FBXL18: variants seen among roughly 807,000 people sequenced by gnomAD.
FBXL18 encodes F-box and leucine rich repeat protein 18.
Under a neutral mutation model 46.0 loss-of-function variants are expected in FBXL18, and 36 were observed. That is an observed-to-expected ratio of 0.78 (90% confidence interval 0.60 to 1.03). The LOEUF (loss-of-function observed/expected upper bound fraction) is 1.03. Among genes scored for constraint, FBXL18 ranks in the 50% least tolerant of loss-of-function variants. The pLI is 0.00. For missense variants in FBXL18, 977 were observed against 1,004.1 expected (o/e 0.97, Z 0.36); for synonymous variants, 557 against 465.3 (o/e 1.20, Z -2.54).
chr7:5,494,545 T>C (rs557630694), intron 3 of FBXL18, among the ~76,000 whole-genome samples: 5 of 152,308 alleles, frequency 3.3e-5, no homozygotes, highest in Admixed American at 6.5e-5. Context: ...TATTTAAAGA[T>C]AGTAATAAAA....
At chr7:5,503,224 G>C (rs1784312618) in intron 2 of FBXL18, among the ~76,000 whole-genome samples, 2 of 152,188 alleles carry the variant, frequency 1.3e-5, no homozygotes, top group African/African-American at 4.8e-5. Flanking sequence ...CTACCAAAAA[G>C]AAAAAATATA....
intron 4 of FBXL18, among the ~76,000 whole-genome samples, chr7:5,482,686 G>A (rs1783680174): frequency 6.6e-6 from 1 of 152,054 alleles, no homozygotes; most frequent in South Asian, 2.1e-4. Context: ...AAGCAGAACA[G>A]GGACCCCTCC....
intron 1 of FBXL18, among the ~76,000 whole-genome samples, chr7:5,508,069 T>C (rs922566484): frequency 4.0e-5 from 6 of 150,650 alleles, no homozygotes; most frequent in South Asian, 4.2e-4. Context: ...TTCTCGAGAC[T>C]AGCCTGGCCA....
chr7:5,506,443 C>T (rs1168116742), intron 1 of FBXL18, among the ~76,000 whole-genome samples: 3 of 150,962 alleles, frequency 2.0e-5, no homozygotes, highest in Admixed American at 6.6e-5. Flanking sequence ...TTAGTAGAGA[C>T]GGGGTTTCAC....
At chr7:5,510,302 C>CAAAAAAAAAA (rs757878539) in intron 1 of FBXL18, among the ~76,000 whole-genome samples, 1 of 77,606 alleles carries the variant, frequency 1.3e-5, no homozygotes, top group African/African-American at 5.5e-5. Context: ...GACTCTGTCT[C>CAAAAAAAAAA]AAAAAAAAAA....
intron 4 of FBXL18, among the ~76,000 whole-genome samples, chr7:5,485,055 G>A (rs1783739329): frequency 6.6e-6 from 1 of 152,136 alleles, no homozygotes; most frequent in African/African-American, 2.4e-5. Context: ...GCACTGCGAT[G>A]ACAGGTGTGA....
intron 2 of FBXL18, 117 bp from the exon 3 acceptor site, chr7:5,502,148 C>T: frequency 1.4e-6 from 1 of 735,292 alleles, no homozygotes; most frequent in East Asian, 2.7e-5. Flanking sequence ...GAGGGAAGCT[C>T]CCCACCTCTC....
In FBXL18 at chr7:5,455,650, C is replaced by T. The variant is rs1042259381; in HGVS notation, c.2001-7807G>A. ...AGATCCTCCGGGATTGCTGACCATC[C>T]ACTTCCCCGCAGGGGGGCTCAAACC... On this transcript the variant is annotated intron_variant and NMD_transcript_variant, in intron 4 of 6. Coordinates refer to the FBXL18 transcript ENST00000415009. This position sits in a 1 kb window ranked among gnomAD's most constrained non-coding sequence, Gnocchi z 4.6. 1.3e-5 allele frequency among the ~76,000 whole-genome samples: 2 copies of T among 152,130 alleles called. No homozygotes were observed. The highest frequency in any genetic ancestry group is 1.3e-4 in the Admixed American group (2 of 15,272).
At position 5,491,461 on chromosome 7, in the gene FBXL18, G is replaced by A; in HGVS notation, c.1782-12C>T. On this transcript the variant is annotated splice_polypyrimidine_tract_variant and intron_variant, in intron 3 of 4. Coordinates refer to ENST00000382368, the MANE Select transcript of FBXL18 (RefSeq NM_024963.6). ...AGGGCTGCTCCAGCCTGCGGGGAGA[G>A]AGGGCAGCTGTGAGGTCCGAGGGAG... 1 of 1,558,406 alleles carries A rather than the reference G, an allele frequency of 6.4e-7. No homozygotes were observed. The highest frequency in any genetic ancestry group is 8.7e-7 in the Non-Finnish European group (1 of 1,151,890).
At chr7:5,492,425 G>C (rs1783952222) in intron 3 of FBXL18, among the ~76,000 whole-genome samples, 1 of 151,558 alleles carries the variant, frequency 6.6e-6, no homozygotes, top group Non-Finnish European at 1.5e-5. Flanking sequence ...AGAGAGGCTG[G>C]AGGGGAACTC....
intron 2 of FBXL18, among the ~76,000 whole-genome samples, chr7:5,504,027 C>T (rs1784332432): frequency 6.6e-6 from 1 of 151,654 alleles, no homozygotes; most frequent in African/African-American, 2.4e-5. Context: ...GCGCCGAGCC[C>T]TTCCTCTGCA....
At chr7:5,502,833 G>GA (rs55824263) in intron 2 of FBXL18, among the ~76,000 whole-genome samples, 2,209 of 134,822 alleles carry the variant, frequency 0.016, 50 homozygotes, top group African/African-American at 0.048. Context: ...TCTCAAAAAA[G>GA]AAAAAAAAAA....
At position 5,503,839 on chromosome 7, in the gene FBXL18, C is replaced by T. The variant is rs147559044; in HGVS notation, c.237+1573G>A. Reference sequence around the variant, plus strand: ...AAAATTAGCCAGATGTGGTGGCAGGCGCCTGTAATCCCAGCTACTCAGAAG... The same window carrying T: ...AAAATTAGCCAGATGTGGTGGCAGGTGCCTGTAATCCCAGCTACTCAGAAG... On this transcript the variant is annotated intron_variant, in intron 2 of 4. Transcript: ENST00000382368. Among the ~76,000 whole-genome samples, 300 of 151,948 alleles carry T rather than the reference C, an allele frequency of 2.0e-3. 2 individuals are homozygous for T. In the East Asian group the frequency reaches 0.041, roughly 21 times the overall value.
Position 5,481,988 on chromosome 7 carries a change from C to A in FBXL18, c.2001-57G>T, listed in dbSNP as rs1783660166. On this transcript the variant is annotated intron_variant, in intron 4 of 4. Transcript: ENST00000382368. Reference sequence around the variant, plus strand: ...ATGGGTGGCCACGGAGGGGGCGGAGCCTGCTGGGGAAGCCCAGGAGGCACT... The same window carrying A: ...ATGGGTGGCCACGGAGGGGGCGGAGACTGCTGGGGAAGCCCAGGAGGCACT... 5.8e-6 allele frequency: 9 copies of A among 1,540,588 alleles called. No individual in the cohort carries two copies. The Admixed American group carries it at 5.9e-5, about 10-fold the overall frequency.
intron 4 of FBXL18, among the ~76,000 whole-genome samples, chr7:5,468,097 C>T (rs1434812322): frequency 6.6e-6 from 1 of 152,052 alleles, no homozygotes; most frequent in East Asian, 1.9e-4. Flanking sequence ...ATTCTCCTGC[C>T]TCAGTCTCCC....
intron 4 of FBXL18, among the ~76,000 whole-genome samples, chr7:5,462,464 A>G (rs1332958093): frequency 1.3e-5 from 2 of 152,150 alleles, no homozygotes; most frequent in Non-Finnish European, 2.9e-5. Context: ...AGAATCAGTC[A>G]CTATGTCACA....
chr7:5,501,178 C>T lies in FBXL18; in HGVS notation c.1091G>A (p.Arg364His), dbSNP rs774712437. 2 of 1,613,080 alleles carry T rather than the reference C, an allele frequency of 1.2e-6. No homozygotes were observed. Among genetic ancestry groups the T allele is most frequent in the Non-Finnish European group, 1.7e-6 (2 of 1,179,726 alleles). Residue 364 changes from arginine to histidine, a missense_variant, in exon 3 of 5, where the codon CGC becomes CAC. Arg to His is a conservative substitution (Grantham distance 29, BLOSUM62 0). Transcript: ENST00000382368. ...VHCLSPDSLL[R>H]KAEDDIDSSI... Reference sequence around the variant, plus strand: ...GCTGTCGATGTCGTCCTCCGCCTTGCGGAGCAGCGAGTCTGGGGACAGGCA... The same window carrying T: ...GCTGTCGATGTCGTCCTCCGCCTTGTGGAGCAGCGAGTCTGGGGACAGGCA...
chr7:5,498,961 A>G (rs1784157621), intron 3 of FBXL18, among the ~76,000 whole-genome samples: 1 of 152,238 alleles, frequency 6.6e-6, no homozygotes, highest in Non-Finnish European at 1.5e-5. Flanking sequence ...CTTAAATACT[A>G]GGAACGGACA....
Position 5,500,624 on chromosome 7 carries a change from C to T in FBXL18, c.1645G>A (p.Gly549Arg), listed in dbSNP as rs1784211487. The T allele has an allele frequency of 1.2e-6, 2 of 1,613,018 alleles. No individual in the cohort carries two copies. The highest frequency in any genetic ancestry group is 1.3e-5 in the African/African-American group (1 of 74,920). ...CACTGCAGGCCGATATTGACCAGCC[C>T]GGAGCCCGTAAGGACGCTGGGCAGC... ...AQLPSVLTGS[G>R]LVNIGLQCQQ... Residue 549 changes from glycine (G) to arginine (R), a missense_variant, in exon 3 of 5, where the codon GGG (glycine) becomes AGG (arginine). Coordinates refer to ENST00000382368, the MANE Select transcript of FBXL18 (RefSeq NM_024963.6).
Sources: gnomAD v4.1 joint callset for allele counts (sites outside exome capture counted in the v4.1 genomes callset) on GRCh38, gnomAD v4.1.1 for gene constraint, Gnocchi (gnomAD v3.1) non-coding constraint, MANE v1.5 for transcripts, NCBI Gene and HGNC (gene_info 2026-07-23, HGNC 2026-07-21) for gene names.